Variants in ARHGAP32 observed in about 807,000 individuals in gnomAD.
ARHGAP32 encodes Rho GTPase activating protein 32, also known as rho GTPase-activating protein 32.
ARHGAP32 carries 51 observed loss-of-function variants against 186.5 expected under a neutral mutation model. The ratio of observed to expected loss-of-function variants is 0.27; its 90% CI spans 0.22 to 0.35. ARHGAP32 has a LOEUF of 0.35. Ranked by LOEUF, ARHGAP32 falls within the 10% of genes least tolerant of loss-of-function variation. The pLI is 1.00. For synonymous variants in ARHGAP32, 950 were observed against 964.3 expected (o/e 0.99, Z 0.27); for missense variants, 2,186 against 2,623.5 (o/e 0.83, Z 3.64).
intron 10 of ARHGAP32, among the ~76,000 whole-genome samples, chr11:129,042,665 C>T (rs1209532759): frequency 1.3e-5 from 2 of 152,152 alleles, no homozygotes; most frequent in Non-Finnish European, 2.9e-5. Context: ...ATAAAAGTCT[C>T]AGGTCGTAAA....
At chr11:129,188,869 A>G (rs957568396) in intron 1 of ARHGAP32, among the ~76,000 whole-genome samples, 19 of 152,184 alleles carry the variant, frequency 1.2e-4, no homozygotes, top group African/African-American at 3.9e-4. Context: ...TCATCTCTGT[A>G]GCTGCTTCAA....
intron 2 of ARHGAP32, among the ~76,000 whole-genome samples, chr11:129,131,374 T>C (rs988016141): frequency 6.6e-6 from 1 of 152,200 alleles, no homozygotes; most frequent in African/African-American, 2.4e-5. Flanking sequence ...TCGTCTGGAA[T>C]AGTTATGATA....
chr11:129,057,261 C>A (rs1940291299), intron 10 of ARHGAP32, among the ~76,000 whole-genome samples: 1 of 152,122 alleles, frequency 6.6e-6, no homozygotes, highest in African/African-American at 2.4e-5. Context: ...GTGAGCCCTA[C>A]TCCCTACTCA....
chr11:129,043,947 G>T (rs1295192457), intron 10 of ARHGAP32, among the ~76,000 whole-genome samples: 1 of 152,078 alleles, frequency 6.6e-6, no homozygotes, highest in African/African-American at 2.4e-5. Context: ...ACTAGTCTCA[G>T]ATTTTAAAAC....
intron 1 of ARHGAP32, among the ~76,000 whole-genome samples, chr11:129,216,167 G>A (rs558898370): frequency 1.9e-4 from 29 of 152,122 alleles, no homozygotes; most frequent in Admixed American, 8.5e-4. Flanking sequence ...TCTTATAGCC[G>A]CCAAGTCTGT....
rs1942614023 is a variant in ARHGAP32 at position 129,124,589 on chromosome 11, T to C, written c.317+214A>G. Among the ~76,000 whole-genome samples the C allele has an allele frequency of 2.6e-5, 4 of 152,106 alleles. No homozygotes were observed. In the South Asian group the frequency reaches 8.3e-4, roughly 32 times the overall value. On this transcript the variant is annotated intron_variant, in intron 3 of 22. Coordinates refer to ENST00000682385, the MANE Select transcript of ARHGAP32 (RefSeq NM_001378024.1). ...AACTGTAAAATAACAGAAAATGACA[T>C]AAGTTGCTTCAAGAACAAAAATAAA...
At chr11:129,194,473 A>AC (rs1944363674), upstream of ARHGAP32, among the ~76,000 whole-genome samples, 6 of 152,216 alleles carry the variant, frequency 3.9e-5, no homozygotes, top group Admixed American at 3.9e-4. Flanking sequence ...GAATACTGTT[A>AC]AGGCAAAGAA....
At chr11:129,016,880 T>G (rs186693143) in intron 11 of ARHGAP32, among the ~76,000 whole-genome samples, 356 of 152,376 alleles carry the variant, frequency 2.3e-3, no homozygotes, top group South Asian at 3.9e-3. Flanking sequence ...AATTTGCTTA[T>G]GTCCTTCAAT....
chr11:129,234,258 CCA>C (rs1329267930), intron 1 of ARHGAP32, among the ~76,000 whole-genome samples: 3 of 151,940 alleles, frequency 2.0e-5, no homozygotes, highest in East Asian at 1.9e-4. Flanking sequence ...TTCAAAATAC[CCA>C]CAGTTAAATA....
chr11:129,127,596 C>T (rs1470696465), intron 2 of ARHGAP32, among the ~76,000 whole-genome samples: 1 of 117,408 alleles, frequency 8.5e-6, no homozygotes. Flanking sequence ...TACTATTATT[C>T]AATCACCTGA....
chr11:129,029,627 C>A (rs1182248433), intron 11 of ARHGAP32, among the ~76,000 whole-genome samples: 3 of 151,902 alleles, frequency 2.0e-5, no homozygotes, highest in South Asian at 2.1e-4. Context: ...CACGGTGAAA[C>A]CCCGTCTCTA....
chr11:129,165,757 A>T (rs1183430747), intron 1 of ARHGAP32, among the ~76,000 whole-genome samples: 2 of 143,134 alleles, frequency 1.4e-5, no homozygotes, highest in African/African-American at 2.7e-5. Flanking sequence ...TAGTAATAAT[A>T]AAAAAAAAAA....
chr11:128,978,454 T>C (rs1413506400), intron 19 of ARHGAP32, among the ~76,000 whole-genome samples: 4 of 152,164 alleles, frequency 2.6e-5, no homozygotes, highest in Non-Finnish European at 4.4e-5. Flanking sequence ...AAAATACAGA[T>C]CAATAAATTT....
intron 11 of ARHGAP32, chr11:129,023,844 T>C (rs1938709218): frequency 3.1e-6 from 3 of 959,140 alleles, no homozygotes; most frequent in Non-Finnish European, 3.7e-6. Context: ...AAATGACTGA[T>C]TGAGATCTCC....
chr11:129,237,765 C>A (rs1300924739), intron 1 of ARHGAP32, among the ~76,000 whole-genome samples: 3 of 152,124 alleles, frequency 2.0e-5, no homozygotes, highest in East Asian at 1.9e-4. Context: ...ATGCAAAGAA[C>A]CCCTGAAATG....
At chr11:129,109,484 T>C (rs1252351458) in intron 5 of ARHGAP32, among the ~76,000 whole-genome samples, 3 of 152,118 alleles carry the variant, frequency 2.0e-5, no homozygotes, top group Non-Finnish European at 4.4e-5. Flanking sequence ...TTTTTAGTTT[T>C]TTGAGAAATC....
chr11:128,985,655 A>G (rs1020146339), intron 15 of ARHGAP32, among the ~76,000 whole-genome samples: 2 of 151,754 alleles, frequency 1.3e-5, no homozygotes, highest in African/African-American at 4.8e-5. Context: ...CAAACAAAAA[A>G]CCCCCAAGTT....
chr11:129,136,034 TA>T (rs1942929104), intron 2 of ARHGAP32, among the ~76,000 whole-genome samples: 1 of 152,040 alleles, frequency 6.6e-6, no homozygotes, highest in African/African-American at 2.4e-5. Context: ...TTCAAAAAGA[TA>T]AGTCAGAGTC....
Position 128,973,201 on chromosome 11 carries a change from T to C in ARHGAP32, c.3305A>G (p.Tyr1102Cys), listed in dbSNP as rs1945443442. The C allele has an allele frequency of 1.2e-6, 2 of 1,614,146 alleles. No homozygotes were observed. Residue 1102 changes from tyrosine (Y) to cysteine (C), a missense_variant, in exon 22 of 23, where the codon TAC becomes TGC. By Grantham distance (194) the Tyr-to-Cys change is radical (BLOSUM62 -2). Coordinates refer to ENST00000682385, the MANE Select transcript of ARHGAP32 (RefSeq NM_001378024.1). The part of the protein sequence containing the change: ...ATTEDNLSSS[Y>C]SAVALDKAYF... ...GGCCTTATCTAGAGCAACTGCAGAGTAAGAACTGGACAGATTATCTTCAGT... is the reference window on the plus strand; with the variant it reads ...GGCCTTATCTAGAGCAACTGCAGAGCAAGAACTGGACAGATTATCTTCAGT...
Sources: gnomAD v4.1 joint callset for allele counts (sites outside exome capture counted in the v4.1 genomes callset) on GRCh38, gnomAD v4.1.1 for gene constraint, MANE v1.5 for transcripts, NCBI Gene and HGNC (gene_info 2026-07-23, HGNC 2026-07-21) for gene names.